ELAVL3: variants seen among roughly 807,000 people sequenced by gnomAD.
ELAVL3 encodes the protein ELAV-like protein 3.
ELAVL3 carries 8 observed loss-of-function variants against 34.2 expected under a neutral mutation model. The ratio of observed to expected loss-of-function variants is 0.23; its 90% CI spans 0.14 to 0.42. The LOEUF (loss-of-function observed/expected upper bound fraction) is 0.42, where lower values mean the gene tolerates loss of function less well. Ranked by LOEUF, ELAVL3 falls within the 10% of genes least tolerant of loss-of-function variation. The pLI is 1.00. For synonymous variants in ELAVL3, 209 were observed against 222.1 expected, an observed-to-expected ratio of 0.94 and a Z score of 0.53; for missense variants, 273 against 518.8, an observed-to-expected ratio of 0.53 and a Z score of 4.60.
intron 1 of ELAVL3, among the ~76,000 whole-genome samples, chr19:11,475,678 A>G (rs901029030): frequency 1.3e-5 from 2 of 148,510 alleles, no homozygotes; most frequent in Non-Finnish European, 3.0e-5. Context: ...TAGTGGCACG[A>G]TCTTGGCTCA....
intron 3 of ELAVL3, among the ~76,000 whole-genome samples, chr19:11,464,954 C>G (rs1971000323): frequency 8.0e-6 from 1 of 124,952 alleles, no homozygotes; most frequent in African/African-American, 3.3e-5. Context: ...ACACACACCA[C>G]ACACACGCAC....
intron 5 of ELAVL3, among the ~76,000 whole-genome samples, chr19:11,457,787 C>T (rs970188463): frequency 6.6e-6 from 1 of 152,258 alleles, no homozygotes; most frequent in Non-Finnish European, 1.5e-5. Context: ...CACAGAGCTA[C>T]AGCCACGTGC....
intron 3 of ELAVL3, among the ~76,000 whole-genome samples, chr19:11,461,212 A>G (rs1970877116): frequency 6.6e-6 from 1 of 152,016 alleles, no homozygotes; most frequent in Non-Finnish European, 1.5e-5. Context: ...GGACATATAT[A>G]TTTATTTCCC....
intron 1 of ELAVL3, among the ~76,000 whole-genome samples, chr19:11,478,572 T>C (rs1971307198): frequency 6.6e-6 from 1 of 152,010 alleles, no homozygotes; most frequent in Non-Finnish European, 1.5e-5. Flanking sequence ...AAGCTTCCCA[T>C]TCTCTCCAGT....
intron 3 of ELAVL3, among the ~76,000 whole-genome samples, chr19:11,465,860 A>C (rs1971042406): frequency 6.6e-6 from 1 of 152,046 alleles, no homozygotes; most frequent in African/African-American, 2.4e-5. Flanking sequence ...TTCCATGACA[A>C]AAGCAGGGAG....
Position 11,454,467 on chromosome 19 carries a change from CTT to C in ELAVL3, c.*57_*58del, listed in dbSNP as rs985605661. 84 of 1,140,572 alleles carry C rather than the reference CTT, an allele frequency of 7.4e-5. No individual in the cohort carries two copies. Among genetic ancestry groups the C allele is most frequent in the Non-Finnish European group, 8.8e-5 (76 of 860,176 alleles). The allele number at this position is 1,140,572 out of a possible 1,614,324, so 70.7% of individuals were successfully genotyped here. Reference sequence around the variant, plus strand: ...GGGCCCCTTCTCTCTCTCTCTCTCTCTTTCTCTCTCTCTCTCTCTGCTGCCCG... The same window carrying C: ...GGGCCCCTTCTCTCTCTCTCTCTCTCTCTCTCTCTCTCTCTCTGCTGCCCG... On this transcript the variant is annotated 3_prime_UTR_variant, in exon 7 of 7. Coordinates refer to ENST00000359227, the MANE Select transcript of ELAVL3 (RefSeq NM_001420.4). The surrounding 1 kb of genome is among the most constrained non-coding windows in gnomAD (Gnocchi z 9.2).
Position 11,466,850 on chromosome 19 carries a change from G to A in ELAVL3, c.10-23C>T, listed in dbSNP as rs751259450. The A allele has an allele frequency of 1.5e-5, 24 of 1,561,570 alleles. No homozygotes were observed. Among genetic ancestry groups the A allele is most frequent in the East Asian group, 4.8e-5 (2 of 42,014 alleles). On this transcript the variant is annotated intron_variant, in intron 1 of 6. Coordinates refer to ENST00000359227, the MANE Select transcript of ELAVL3 (RefSeq NM_001420.4). This position sits in a 1 kb window ranked among gnomAD's most constrained non-coding sequence, Gnocchi z 5.0. ...CTGCTGGAGATAACAGGTCGCATCC[G>A]CTCACCGCCCAGTCCCCACACCAGG...
rs199954923 is a variant in ELAVL3 at position 11,480,580 on chromosome 19, G to C, written c.9+20C>G. ...CTCCTCCCCGTCCCGATTCCCTTTC[G>C]GCGACAGGGGAATACCTACAGTGAC... On this transcript the variant is annotated intron_variant, in intron 1 of 6. Coordinates refer to ENST00000359227, the MANE Select transcript of ELAVL3 (RefSeq NM_001420.4). This position sits in a 1 kb window ranked among gnomAD's most constrained non-coding sequence, Gnocchi z 6.8. 3.9e-3 allele frequency: 5,865 copies of C among 1,503,592 alleles called. 24 individuals are homozygous for C. The highest frequency in any genetic ancestry group is 4.1e-3 in the Non-Finnish European group (4,668 of 1,126,646). 93.1% of individuals were successfully genotyped at this position (1,503,592 alleles called of 1,614,324 possible).
intron 3 of ELAVL3, among the ~76,000 whole-genome samples, chr19:11,465,659 G>A (rs958185729): frequency 3.3e-5 from 5 of 152,248 alleles, no homozygotes; most frequent in East Asian, 1.9e-4. Flanking sequence ...ACCCCCAGGC[G>A]AACCCAGAGA....
rs757878077 is a variant in ELAVL3 at position 11,466,292 on chromosome 19, AATG to A, written c.230-20_230-18del. The A allele has an allele frequency of 1.9e-6, 3 of 1,609,462 alleles. No individual in the cohort carries two copies. Among genetic ancestry groups the A allele is most frequent in the Non-Finnish European group, 2.6e-6 (3 of 1,176,270 alleles). ...GGCTCTGCCCTGTGGGCAGAACCAG[AATG>A]ATGACCTTCCCACCCAGCCTTGACA... On this transcript the variant is annotated intron_variant, in intron 2 of 6. Coordinates refer to ENST00000359227, the MANE Select transcript of ELAVL3 (RefSeq NM_001420.4). This position sits in a 1 kb window ranked among gnomAD's most constrained non-coding sequence, Gnocchi z 5.0.
intron 1 of ELAVL3, among the ~76,000 whole-genome samples, chr19:11,473,209 C>G (rs750634390): frequency 8.6e-5 from 13 of 151,504 alleles, no homozygotes; most frequent in Non-Finnish European, 1.6e-4. Flanking sequence ...ACTAAAAATA[C>G]AAAAAATTAG....
At chr19:11,464,165 A>ATTTTTT (rs1463453278) in intron 3 of ELAVL3, among the ~76,000 whole-genome samples, 106 of 111,066 alleles carry the variant, frequency 9.5e-4, no homozygotes, top group African/African-American at 4.3e-3. Context: ...ATATATATAT[A>ATTTTTT]TATTTTTTTT....
chr19:11,459,174 G>C (rs1018837123), intron 3 of ELAVL3, among the ~76,000 whole-genome samples: 6 of 148,598 alleles, frequency 4.0e-5, no homozygotes, highest in African/African-American at 1.5e-4. Flanking sequence ...CCAGGCTGGA[G>C]TGCAATGGCG....
At position 11,466,791 on chromosome 19, in the gene ELAVL3, C is replaced by A. The variant is rs778860619; in HGVS notation, c.46G>T (p.Gly16Cys). Reference sequence around the variant, plus strand: ...TTGGGCAGGGCCGGGCCGGCCGGGCCCCCCCCCACCTGAGACTCCATGGCC... The same window carrying A: ...TTGGGCAGGGCCGGGCCGGCCGGGCACCCCCCCACCTGAGACTCCATGGCC... ...LGAMESQVGG[G>C]PAGPALPNGP... The change falls in exon 2 of 7, where the codon GGC (glycine) becomes TGC (cysteine). Residue 16 changes from glycine (G) to cysteine (C), a missense_variant. Around this residue, in one of 4 missense-constraint regions of ELAVL3, gnomAD observed 40 missense variants for 40.8 expected, o/e 0.98. Transcript: ENST00000359227. This position sits in a 1 kb window ranked among gnomAD's most constrained non-coding sequence, Gnocchi z 5.0. 27 of 1,611,712 alleles carry A rather than the reference C, an allele frequency of 1.7e-5. No homozygotes were observed. The African/African-American group carries it at 1.7e-4, about 10-fold the overall frequency.
At position 11,466,439 on chromosome 19, in the gene ELAVL3, A is replaced by T. The variant is rs1971053787; in HGVS notation, c.230-164T>A. On this transcript the variant is annotated intron_variant, in intron 2 of 6. Coordinates refer to ENST00000359227, the MANE Select transcript of ELAVL3 (RefSeq NM_001420.4). The surrounding 1 kb of genome is among the most constrained non-coding windows in gnomAD (Gnocchi z 5.0). ...CCCACCTGCCTCCATCGCTCCTGAG[A>T]CCTTCACCTAGGGGGTATACCCATC... is the stretch of plus-strand genomic sequence containing the variant. Among the ~76,000 whole-genome samples the T allele has an allele frequency of 6.7e-6, 1 of 149,868 alleles. No individual in the cohort carries two copies. Among genetic ancestry groups the T allele is most frequent in the Non-Finnish European group, 1.5e-5 (1 of 67,370 alleles).
At chr19:11,464,151 C>CTATA (rs1164328564) in intron 3 of ELAVL3, among the ~76,000 whole-genome samples, 28 of 86,440 alleles carry the variant, frequency 3.2e-4, no homozygotes, top group East Asian at 1.6e-3. Flanking sequence ...CTCTCTCTCT[C>CTATA]TATATATATA....
At chr19:11,475,738 G>T (rs779542569) in intron 1 of ELAVL3, among the ~76,000 whole-genome samples, 9 of 151,126 alleles carry the variant, frequency 6.0e-5, no homozygotes, top group African/African-American at 2.2e-4. Flanking sequence ...CTCAGCCTCC[G>T]AAGTAGCTGG....
chr19:11,459,993 A>G (rs1430516451), intron 3 of ELAVL3, among the ~76,000 whole-genome samples: 3 of 151,880 alleles, frequency 2.0e-5, no homozygotes, highest in Non-Finnish European at 4.4e-5. Context: ...CAGCTCCCAA[A>G]TGTCCCCAGT....
In ELAVL3 at chr19:11,480,540, G is replaced by A. The variant is rs1231491912; in HGVS notation, c.9+60C>T. ...CCCGCCGCACCCGCCCAATCTCCGC[G>A]GAGCCTGGGCCCAACTCCTCCCCGT... On this transcript the variant is annotated intron_variant, in intron 1 of 6. Coordinates refer to ENST00000359227, the MANE Select transcript of ELAVL3 (RefSeq NM_001420.4). The surrounding 1 kb of genome is among the most constrained non-coding windows in gnomAD (Gnocchi z 6.8). 4.8e-6 allele frequency: 7 copies of A among 1,447,974 alleles called. No individual in the cohort carries two copies. The highest frequency in any genetic ancestry group is 2.4e-5 in the Admixed American group (1 of 42,510). 89.7% of individuals were successfully genotyped at this position (1,447,974 alleles called of 1,614,324 possible).
Sources: gnomAD v4.1 joint callset for allele counts (sites outside exome capture counted in the v4.1 genomes callset) on GRCh38, gnomAD v4.1.1 for gene constraint, gnomAD v4.1.1 regional missense constraint, Gnocchi (gnomAD v3.1) non-coding constraint, MANE v1.5 for transcripts, NCBI Gene and HGNC (gene_info 2026-07-23, HGNC 2026-07-21) for gene names.